The following PAX5 variants were observed in gnomAD, a reference collection of about 807,000 sequenced individuals.
PAX5 encodes paired box protein Pax-5.
In PAX5, 9 loss-of-function variants were observed where a neutral mutation model predicts 43.7. The observed-to-expected ratio is 0.21, with a 90% CI of 0.12 to 0.36. The LOEUF (loss-of-function observed/expected upper bound fraction) is 0.36, where lower values mean the gene tolerates loss of function less well. Among genes scored for constraint, PAX5 ranks in the 10% least tolerant of loss-of-function variants. The pLI, the probability that PAX5 is intolerant of heterozygous loss-of-function variation, is 1.00. For synonymous variants in PAX5, 228 were observed against 214.3 expected, an observed-to-expected ratio of 1.06 and a Z score of -0.56; for missense variants, 383 against 532.7, an observed-to-expected ratio of 0.72 and a Z score of 2.77.
At chr9:36,881,017 A>C (rs1033724482) in intron 8 of PAX5, among the ~76,000 whole-genome samples, 3 of 152,250 alleles carry the variant, frequency 2.0e-5, no homozygotes, top group Non-Finnish European at 2.9e-5. Context: ...TGGTGACTAT[A>C]GTCAGTAATA....
intron 6 of PAX5, among the ~76,000 whole-genome samples, chr9:36,927,736 T>C (rs1164700786): frequency 4.8e-5 from 7 of 146,548 alleles, no homozygotes; most frequent in Non-Finnish European, 1.1e-4. Context: ...TGAGACAAAG[T>C]CTTGCTCTGT....
rs770759327 is a variant in PAX5, at chr9:36,837,856, C to G, written c.*2704G>C. 4.3e-6 allele frequency: 1 copy of G among 233,446 alleles called. No individual in the cohort carries two copies. The allele number at this position is 233,446 out of a possible 1,614,324, so 14.5% of individuals were successfully genotyped here. On this transcript the variant is annotated 3_prime_UTR_variant, in exon 10 of 10. Coordinates refer to ENST00000358127, the MANE Select transcript of PAX5 (RefSeq NM_016734.3). ...CCGCTGTGAGCCAGGTGGGCTTTGC[C>G]GAGGAAGGATGCTGCATGCCTCAGG...
chr9:37,000,580 C>T (rs1208509903), intron 5 of PAX5, among the ~76,000 whole-genome samples: 1 of 152,140 alleles, frequency 6.6e-6, no homozygotes, highest in Admixed American at 6.5e-5. Context: ...TATCAAAACA[C>T]CGTGTCTATT....
intron 8 of PAX5, among the ~76,000 whole-genome samples, chr9:36,872,522 G>A (rs969681387): frequency 1.3e-5 from 2 of 152,138 alleles, no homozygotes; most frequent in African/African-American, 4.8e-5. Flanking sequence ...AGGTCATGCT[G>A]TGAGTATCTG....
chr9:36,929,882 T>A (rs1830983782), intron 6 of PAX5, among the ~76,000 whole-genome samples: 1 of 152,124 alleles, frequency 6.6e-6, no homozygotes, highest in Non-Finnish European at 1.5e-5. Flanking sequence ...CCCACCACCA[T>A]GCCCAGCTCA....
At chr9:36,965,388 C>T (rs1176413811) in intron 6 of PAX5, among the ~76,000 whole-genome samples, 1 of 152,194 alleles carries the variant, frequency 6.6e-6, no homozygotes, top group African/African-American at 2.4e-5. Flanking sequence ...GCAGCGTGGC[C>T]TTAGGCAAGT....
chr9:36,900,062 T>G (rs1288097727), intron 7 of PAX5, among the ~76,000 whole-genome samples: 1 of 152,258 alleles, frequency 6.6e-6, no homozygotes, highest in African/African-American at 2.4e-5. Context: ...CTGCTCACTC[T>G]CTAAATCTTC....
chr9:36,980,934 C>A (rs923948002), intron 5 of PAX5, among the ~76,000 whole-genome samples: 1 of 151,952 alleles, frequency 6.6e-6, no homozygotes, highest in African/African-American at 2.4e-5. Flanking sequence ...AACTGGGTAC[C>A]CCCCCAGCAA....
At chr9:36,849,747 G>A (rs940623257) in intron 8 of PAX5, among the ~76,000 whole-genome samples, 1 of 152,346 alleles carries the variant, frequency 6.6e-6, no homozygotes, top group South Asian at 2.1e-4. Flanking sequence ...TGGCTTGCCT[G>A]GTGTGCTAAG....
At chr9:36,934,090 G>T (rs1831354178) in intron 6 of PAX5, among the ~76,000 whole-genome samples, 1 of 152,252 alleles carries the variant, frequency 6.6e-6, no homozygotes. Flanking sequence ...AGCAACCAGG[G>T]GAGGCAGCGT....
intron 3 of PAX5, among the ~76,000 whole-genome samples, chr9:37,009,664 A>G (rs1373045923): frequency 6.6e-6 from 1 of 152,200 alleles, no homozygotes; most frequent in Non-Finnish European, 1.5e-5. Context: ...TGTACATTTA[A>G]AAATAACTAA....
chr9:37,006,839 A>G (rs2132426259), intron 3 of PAX5, among the ~76,000 whole-genome samples: 1 of 152,348 alleles, frequency 6.6e-6, no homozygotes, highest in East Asian at 1.9e-4. Flanking sequence ...TGTTAACATT[A>G]CGAGTAAGCA....
At chr9:36,936,872 A>T (rs1004267955) in intron 6 of PAX5, among the ~76,000 whole-genome samples, 1 of 133,480 alleles carries the variant, frequency 7.5e-6, no homozygotes, top group African/African-American at 2.7e-5. Flanking sequence ...ACACACACAC[A>T]CTCCTCAGGC....
chr9:36,934,443 T>G (rs1831382579), intron 6 of PAX5, among the ~76,000 whole-genome samples: 1 of 152,228 alleles, frequency 6.6e-6, no homozygotes, highest in South Asian at 2.1e-4. Flanking sequence ...CAGTGTCAAT[T>G]TATTGTACTA....
chr9:36,863,769 C>G (rs76720039), intron 8 of PAX5, among the ~76,000 whole-genome samples: 9 of 152,292 alleles, frequency 5.9e-5, no homozygotes, highest in African/African-American at 2.2e-4. Flanking sequence ...GCAAAAAACA[C>G]GCAGGTCGGG....
chr9:36,890,742 A>G (rs1282195595), intron 7 of PAX5, among the ~76,000 whole-genome samples: 2 of 152,204 alleles, frequency 1.3e-5, no homozygotes, highest in South Asian at 2.1e-4. Flanking sequence ...TGCCCACAGC[A>G]TCAGACTTCC....
Position 37,003,294 on chromosome 9 carries a change from C to A in PAX5, c.476-518G>T, listed in dbSNP as rs915645969. ...CGCGCACGGCTAACAAACTCCAAACCGCAGAGTGCCCCTTCTTTTTATAGT... is the reference window on the plus strand; with the variant it reads ...CGCGCACGGCTAACAAACTCCAAACAGCAGAGTGCCCCTTCTTTTTATAGT... On this transcript the variant is annotated intron_variant, in intron 4 of 9. Coordinates refer to ENST00000358127, the MANE Select transcript of PAX5 (RefSeq NM_016734.3). 3.9e-5 allele frequency among the ~76,000 whole-genome samples: 6 copies of A among 152,148 alleles called. 1 individual carries two copies. In the South Asian group the frequency reaches 1.2e-3, roughly 32 times the overall value.
Position 36,869,831 on chromosome 9 carries a change from G to C in PAX5, c.1012+12173C>G, listed in dbSNP as rs1239848201. The stretch of plus-strand genomic sequence containing the variant: ...AAATAGATGGATGGATGGATGAATA[G>C]ATGGATGGATGGATAAATGGATGGA... On this transcript the variant is annotated intron_variant, in intron 8 of 9. Coordinates refer to ENST00000358127, the MANE Select transcript of PAX5 (RefSeq NM_016734.3). Among the ~76,000 whole-genome samples the C allele has an allele frequency of 1.4e-5, 2 of 144,464 alleles. 1 individual carries two copies. The highest frequency in any genetic ancestry group is 1.5e-4 in the Admixed American group (2 of 13,604). 94.8% of individuals were successfully genotyped at this position (144,464 alleles called of 152,430 possible). A position where few individuals can be genotyped will look rare whatever the true frequency, so the allele number is the denominator to read the frequency against.
intron 7 of PAX5, among the ~76,000 whole-genome samples, chr9:36,913,491 C>G (rs1829472010): frequency 6.6e-6 from 1 of 152,236 alleles, no homozygotes; most frequent in Admixed American, 6.5e-5. Context: ...TCCTCTCTGG[C>G]AGGTAGGCAC....
Sources: allele counts gnomAD v4.1 joint callset (sites outside exome capture counted in the v4.1 genomes callset), GRCh38; gene constraint gnomAD v4.1.1; transcripts MANE v1.5; gene names NCBI Gene and HGNC (gene_info 2026-07-23, HGNC 2026-07-21).